The following MLYCD variants were observed in gnomAD, a reference collection of about 807,000 sequenced individuals.
MLYCD encodes the protein malonyl-CoA decarboxylase.
A neutral mutation model predicts 35.8 loss-of-function variants in MLYCD; 27 were observed. That is an observed-to-expected ratio of 0.75 (90% confidence interval 0.56 to 1.04). The LOEUF is 1.04. Ranked by LOEUF, MLYCD falls within the 50% of genes least tolerant of loss-of-function variation. The pLI is 0.00. For synonymous variants in MLYCD, 403 were observed against 302.4 expected (o/e 1.33, Z -3.45); for missense variants, 917 against 665.1 (o/e 1.38, Z -4.17).
chr16:83,924,566 G>C lies in MLYCD; in HGVS notation c.*9077G>C, dbSNP rs1907749317. ...AAATATTTTTGGTTCACTGAAGAAA[G>C]GCAGCCCTCACTCCTGCTGCTCAGA... is the stretch of plus-strand genomic sequence containing the variant. On this transcript the variant is annotated 3_prime_UTR_variant, in exon 5 of 5. Coordinates refer to ENST00000262430, the MANE Select transcript of MLYCD (RefSeq NM_012213.3). 6.6e-6 allele frequency: 1 copy of C among 152,322 alleles called. No homozygotes were observed. Among genetic ancestry groups the C allele is most frequent in the African/African-American group, 2.4e-5 (1 of 41,572 alleles). 9.4% of individuals were successfully genotyped at this position (152,322 alleles called of 1,614,324 possible).
Position 83,922,962 on chromosome 16 carries a change from C to G in MLYCD, c.*7473C>G, listed in dbSNP as rs1297473416. On this transcript the variant is annotated 3_prime_UTR_variant, in exon 5 of 5. Coordinates refer to ENST00000262430, the MANE Select transcript of MLYCD (RefSeq NM_012213.3). ...TCCTGACCCCTGATGGCTGAGCACC[C>G]TTGTCATACTCCTCAGGGAGAGCCC... is the stretch of plus-strand genomic sequence containing the variant. The G allele has an allele frequency of 6.6e-6, 1 of 152,320 alleles. No homozygotes were observed. The highest frequency in any genetic ancestry group is 2.4e-5 in the African/African-American group (1 of 41,460). The allele number at this position is 152,320 out of a possible 1,614,324, so 9.4% of individuals were successfully genotyped here. A position where few individuals can be genotyped will look rare whatever the true frequency, so the allele number is the denominator to read the frequency against.
rs1907812655 is a variant in MLYCD at position 83,926,511 on chromosome 16, GGCC to G, written c.*11026_*11028del. The G allele has an allele frequency of 6.6e-6, 1 of 152,260 alleles. No homozygotes were observed. The highest frequency in any genetic ancestry group is 1.5e-5 in the Non-Finnish European group (1 of 68,084). 9.4% of individuals were successfully genotyped at this position (152,260 alleles called of 1,614,324 possible). A position where few individuals can be genotyped will look rare whatever the true frequency, so the allele number is the denominator to read the frequency against. ...AAAAGGGGACGGTGAAGCCACACGC[GGCC>G]GCCCTTCTCAGGAGCCCACTTCCAC... On this transcript the variant is annotated 3_prime_UTR_variant, in exon 5 of 5. Transcript: ENST00000262430.
At chr16:83,899,928 C>T (rs1227090333) in intron 1 of MLYCD, among the ~76,000 whole-genome samples, 1 of 152,236 alleles carries the variant, frequency 6.6e-6, no homozygotes, top group African/African-American at 2.4e-5. Flanking sequence ...ATACTCAGCA[C>T]TTGGTGGTCT....
chr16:83,916,037 C>A lies in MLYCD; in HGVS notation c.*548C>A. 1 of 1,005,562 alleles carries A rather than the reference C, an allele frequency of 9.9e-7. No homozygotes were observed. Among genetic ancestry groups the A allele is most frequent in the Non-Finnish European group, 1.2e-6 (1 of 840,274 alleles). 62.3% of individuals were successfully genotyped at this position (1,005,562 alleles called of 1,614,324 possible). A position where few individuals can be genotyped will look rare whatever the true frequency, so the allele number is the denominator to read the frequency against. ...GTATGAGAAGGTTTGTGATTTTGCACAAGGTGTGTGTAGTAAGTTAAATTG... is the reference window on the plus strand; with the variant it reads ...GTATGAGAAGGTTTGTGATTTTGCAAAAGGTGTGTGTAGTAAGTTAAATTG... On this transcript the variant is annotated 3_prime_UTR_variant, in exon 5 of 5. Coordinates refer to ENST00000262430, the MANE Select transcript of MLYCD (RefSeq NM_012213.3).
rs1052514511 is a variant in MLYCD at position 83,926,352 on chromosome 16, G to C, written c.*10863G>C. Reference sequence around the variant, plus strand: ...CCCTGCACTGGGAAGGAGGGTCCCTGTCCCCGTTTGACGGGTGACGACACT... The same window carrying C: ...CCCTGCACTGGGAAGGAGGGTCCCTCTCCCCGTTTGACGGGTGACGACACT... On this transcript the variant is annotated 3_prime_UTR_variant, in exon 5 of 5. Coordinates refer to ENST00000262430, the MANE Select transcript of MLYCD (RefSeq NM_012213.3). 2.0e-5 allele frequency: 3 copies of C among 152,488 alleles called. No homozygotes were observed. Among genetic ancestry groups the C allele is most frequent in the Non-Finnish European group, 4.4e-5 (3 of 68,226 alleles). The allele number at this position is 152,488 out of a possible 1,614,324, so 9.4% of individuals were successfully genotyped here. A position where few individuals can be genotyped will look rare whatever the true frequency, so the allele number is the denominator to read the frequency against.
Position 83,899,378 on chromosome 16 carries a change from G to C in MLYCD, c.234G>C (p.Leu78=). ...ACTTCGTGAGCTTCTACGGTGGGCT[G>C]GCCGAGACGGCCCAGCGGGCCGAAC... The part of the protein sequence containing the change: ...CADFVSFYGG[L]AETAQRAELL... Residue 78 remains leucine, a synonymous_variant, in exon 1 of 5, where the codon CTG becomes CTC. Transcript: ENST00000262430. The C allele has an allele frequency of 6.5e-7, 1 of 1,527,242 alleles. No homozygotes were observed. Among genetic ancestry groups the C allele is most frequent in the Non-Finnish European group, 8.7e-7 (1 of 1,146,328 alleles). 94.6% of individuals were successfully genotyped at this position (1,527,242 alleles called of 1,614,324 possible).
intron 1 of MLYCD, among the ~76,000 whole-genome samples, chr16:83,902,205 T>A (rs1394487436): frequency 1.4e-5 from 2 of 146,164 alleles, no homozygotes; most frequent in East Asian, 4.0e-4. Flanking sequence ...TTTTGTTTTG[T>A]TGTTTACGGT....
intron 1 of MLYCD, among the ~76,000 whole-genome samples, chr16:83,901,163 C>G (rs1906771544): frequency 6.6e-6 from 1 of 152,206 alleles, no homozygotes; most frequent in Non-Finnish European, 1.5e-5. Context: ...AGAAAGCCCA[C>G]AGTTGCTAAT....
chr16:83,901,173 T>C (rs1906771943), intron 1 of MLYCD, among the ~76,000 whole-genome samples: 2 of 152,336 alleles, frequency 1.3e-5, no homozygotes, highest in African/African-American at 2.4e-5. Context: ...CAGTTGCTAA[T>C]TGCATGACAC....
rs778569034 is a variant in MLYCD, at chr16:83,899,561, C to T, written c.417C>T (p.Gly139=). 7.5e-6 allele frequency: 12 copies of T among 1,592,902 alleles called. No individual in the cohort carries two copies. Among genetic ancestry groups the T allele is most frequent in the Non-Finnish European group, 1.0e-5 (12 of 1,177,690 alleles). ...LRYALVPRYR[G]LFHHISKLDG... ...ACGCGCTGGTGCCGCGCTATCGCGG[C>T]CTCTTCCACCACATCAGCAAGCTGG... Residue 139 remains glycine (G), a synonymous_variant, in exon 1 of 5, where the codon GGC becomes GGT. Transcript: ENST00000262430.
chr16:83,912,718 C>T, intron 4 of MLYCD: 1 of 357,546 alleles, frequency 2.8e-6, no homozygotes, highest in Non-Finnish European at 5.5e-6. Flanking sequence ...CTGAAATGTC[C>T]CAGCCAGATG....
rs1434940922 is a variant in MLYCD, at chr16:83,912,214, C to T, written c.799-4C>T. 3 of 1,614,064 alleles carry T rather than the reference C, an allele frequency of 1.9e-6. No homozygotes were observed. Among genetic ancestry groups the T allele is most frequent in the Non-Finnish European group, 2.5e-6 (3 of 1,180,038 alleles). The stretch of plus-strand genomic sequence containing the variant: ...CCCTTAGAACCATCGTTGGTGTTTT[C>T]CAGGCAATCGTGAAGGAACATCCTC... On this transcript the variant is annotated splice_polypyrimidine_tract_variant and splice_region_variant and intron_variant, in intron 3 of 4. Transcript: ENST00000262430.
rs1597296063 is a variant in MLYCD, at chr16:83,915,846, G to C, written c.*357G>C. 8.2e-7 allele frequency: 1 copy of C among 1,212,620 alleles called. No homozygotes were observed. Among genetic ancestry groups the C allele is most frequent in the East Asian group, 4.9e-5 (1 of 20,476 alleles). 75.1% of individuals were successfully genotyped at this position (1,212,620 alleles called of 1,614,324 possible). ...TGCCATTGCCATCCCAGGGGGATCTGGCATCCTCCTAAGGACCGGGGCGCG... is the reference window on the plus strand; with the variant it reads ...TGCCATTGCCATCCCAGGGGGATCTCGCATCCTCCTAAGGACCGGGGCGCG... On this transcript the variant is annotated 3_prime_UTR_variant, in exon 5 of 5. Transcript: ENST00000262430.
chr16:83,904,990 CTCA>C (rs1567632830), intron 1 of MLYCD, among the ~76,000 whole-genome samples: 1 of 152,194 alleles, frequency 6.6e-6, no homozygotes, highest in East Asian at 1.9e-4. Context: ...AAAAGGAGAC[CTCA>C]TCTCCTTCCG....
At chr16:83,901,908 A>G (rs1906800450) in intron 1 of MLYCD, among the ~76,000 whole-genome samples, 1 of 152,168 alleles carries the variant, frequency 6.6e-6, no homozygotes. Flanking sequence ...AACAGAATGA[A>G]TAACGACAGT....
Position 83,918,801 on chromosome 16 carries a change from A to G in MLYCD, c.*3312A>G, listed in dbSNP as rs1907533924. ...CCACACAGTGCACAGGAGAATACGC[A>G]CACACAGTGCACAGAACACAGACAC... On this transcript the variant is annotated 3_prime_UTR_variant, in exon 5 of 5. Coordinates refer to ENST00000262430, the MANE Select transcript of MLYCD (RefSeq NM_012213.3). The G allele has an allele frequency of 6.7e-6, 1 of 149,872 alleles. No individual in the cohort carries two copies. 9.3% of individuals were successfully genotyped at this position (149,872 alleles called of 1,614,324 possible). A position where few individuals can be genotyped will look rare whatever the true frequency, so the allele number is the denominator to read the frequency against.
In MLYCD at chr16:83,899,303, C is replaced by T. The variant is rs1198450988; in HGVS notation, c.159C>T (p.Ala53=). 2.0e-6 allele frequency: 3 copies of T among 1,488,910 alleles called. No homozygotes were observed. Among genetic ancestry groups the T allele is most frequent in the East Asian group, 5.7e-5 (2 of 34,950 alleles). 92.2% of individuals were successfully genotyped at this position (1,488,910 alleles called of 1,614,324 possible). Residue 53 remains alanine (A), a synonymous_variant, in exon 1 of 5, where the codon GCC becomes GCT. Coordinates refer to ENST00000262430, the MANE Select transcript of MLYCD (RefSeq NM_012213.3). ...GCCGCGCGGTGCCGCCGACGCCGGC[C>T]TACGAGCTGCGCGAGAAGACACCGG... ...LLRRAVPPTP[A]YELREKTPAP...
rs570304882 is a variant in MLYCD at position 83,915,435 on chromosome 16, C to G, written c.1428C>G (p.Ala476=). ...ACCTCGGCTCCAAGATCATCAAAGC[C>G]TCTGAGCAGGTCCTCAGCCTAGTGG... ...TSYLGSKIIK[A]SEQVLSLVAQ... is the part of the protein sequence containing the mutation. Residue 476 remains alanine (A), a synonymous_variant, in exon 5 of 5, where the codon GCC becomes GCG. Coordinates refer to ENST00000262430, the MANE Select transcript of MLYCD (RefSeq NM_012213.3). The G allele has an allele frequency of 1.2e-6, 2 of 1,613,548 alleles. No homozygotes were observed. The highest frequency in any genetic ancestry group is 2.7e-5 in the African/African-American group (2 of 74,956).
chr16:83,909,729 C>G (rs1480458874), intron 3 of MLYCD, among the ~76,000 whole-genome samples: 1 of 150,010 alleles, frequency 6.7e-6, no homozygotes, highest in Non-Finnish European at 1.5e-5. Flanking sequence ...ACAAGCAATT[C>G]TCCTGCCTCA....
Sources: allele counts gnomAD v4.1 joint callset (sites outside exome capture counted in the v4.1 genomes callset), GRCh38; gene constraint gnomAD v4.1.1; transcripts MANE v1.5; gene names NCBI Gene and HGNC (gene_info 2026-07-23, HGNC 2026-07-21).